ATRNL1: variants seen among roughly 807,000 people sequenced by gnomAD.
The protein encoded by ATRNL1 is attractin like 1, also known as attractin-like protein 1.
In ATRNL1, 95 loss-of-function variants were observed where a neutral mutation model predicts 182.7. The observed-to-expected ratio is 0.52, with a 90% CI of 0.44 to 0.62. The LOEUF is 0.62. Ranked by LOEUF, ATRNL1 falls within the 20% of genes least tolerant of loss-of-function variation. The pLI is 0.00. For synonymous variants in ATRNL1, 576 were observed against 568.3 expected (o/e 1.01, Z -0.19); for missense variants, 1,471 against 1,679.5 (o/e 0.88, Z 2.17).
At chr10:115,259,637 G>A (rs1554908171) in intron 10 of ATRNL1, among the ~76,000 whole-genome samples, 1 of 152,106 alleles carries the variant, frequency 6.6e-6, no homozygotes, top group Non-Finnish European at 1.5e-5. Context: ...TATCCAACTA[G>A]TCCCAATGAG....
chr10:115,324,570 A>G (rs1393941825), intron 18 of ATRNL1, among the ~76,000 whole-genome samples: 1 of 152,212 alleles, frequency 6.6e-6, no homozygotes, highest in Non-Finnish European at 1.5e-5. Context: ...CACCAAATAT[A>G]TGATGTGAAT....
intron 26 of ATRNL1, among the ~76,000 whole-genome samples, chr10:115,671,886 G>A (rs1555041498): frequency 6.6e-6 from 1 of 151,998 alleles, no homozygotes; most frequent in African/African-American, 2.4e-5. Flanking sequence ...TTTTGGATAT[G>A]ATATTATCTT....
intron 26 of ATRNL1, among the ~76,000 whole-genome samples, chr10:115,563,057 GTTGC>G (rs2133843466): frequency 6.6e-6 from 1 of 152,210 alleles, no homozygotes; most frequent in Non-Finnish European, 1.5e-5. Flanking sequence ...GTTCTTTTGT[GTTGC>G]TATGAAAGAA....
At chr10:115,701,146 A>G (rs1397682987) in intron 26 of ATRNL1, among the ~76,000 whole-genome samples, 1 of 152,082 alleles carries the variant, frequency 6.6e-6, no homozygotes, top group African/African-American at 2.4e-5. Flanking sequence ...ATCAATACCA[A>G]TAAGATCTCT....
intron 26 of ATRNL1, among the ~76,000 whole-genome samples, chr10:115,591,475 G>A (rs767526474): frequency 8.5e-5 from 13 of 152,286 alleles, no homozygotes; most frequent in East Asian, 1.9e-4. Flanking sequence ...ACTCTGGAAT[G>A]TAAATAAAAC....
At chr10:115,737,449 A>G (rs1947990769) in intron 27 of ATRNL1, among the ~76,000 whole-genome samples, 1 of 151,792 alleles carries the variant, frequency 6.6e-6, no homozygotes, top group African/African-American at 2.4e-5. Context: ...AAAAAAAAAG[A>G]AAAGTATACT....
At chr10:115,154,156 C>A (rs989355397) in intron 5 of ATRNL1, among the ~76,000 whole-genome samples, 1 of 151,356 alleles carries the variant, frequency 6.6e-6, no homozygotes, top group Non-Finnish European at 1.5e-5. Context: ...GGAATAAGTG[C>A]GATGTGGTGC....
At chr10:115,937,113 T>C (rs1555123039) in intron 28 of ATRNL1, among the ~76,000 whole-genome samples, 28 of 152,190 alleles carry the variant, frequency 1.8e-4, no homozygotes. Context: ...TTCTACCCAA[T>C]GAGAGAACAA....
intron 26 of ATRNL1, among the ~76,000 whole-genome samples, chr10:115,664,360 T>A (rs1340184467): frequency 2.0e-5 from 3 of 152,192 alleles, no homozygotes. Flanking sequence ...TCAAATGTAT[T>A]CTTTCTTGCT....
chr10:115,408,776 T>G (rs563918793), intron 20 of ATRNL1, among the ~76,000 whole-genome samples: 1 of 152,322 alleles, frequency 6.6e-6, no homozygotes, highest in South Asian at 2.1e-4. Flanking sequence ...TCTAGTTTAA[T>G]TCTAATGCAT....
chr10:115,878,702 T>TG (rs1555107791), intron 28 of ATRNL1, among the ~76,000 whole-genome samples: 1 of 152,198 alleles, frequency 6.6e-6, no homozygotes, highest in East Asian at 1.9e-4. Flanking sequence ...GCCTTACAGT[T>TG]TCAAGACTCT....
chr10:115,622,891 C>T (rs530648925), intron 26 of ATRNL1, among the ~76,000 whole-genome samples: 4 of 152,004 alleles, frequency 2.6e-5, no homozygotes, highest in South Asian at 4.2e-4. Context: ...CGCGCCACTC[C>T]ACTCCAGCCT....
chr10:115,154,501 CTTCT>C (rs1319931933), intron 5 of ATRNL1, among the ~76,000 whole-genome samples: 1 of 152,022 alleles, frequency 6.6e-6, no homozygotes, highest in Non-Finnish European at 1.5e-5. Flanking sequence ...AGAAAGGTAG[CTTCT>C]TTGTCTCTTT....
intron 10 of ATRNL1, among the ~76,000 whole-genome samples, chr10:115,264,738 C>A (rs1395464331): frequency 6.6e-6 from 1 of 151,404 alleles, no homozygotes; most frequent in Non-Finnish European, 1.5e-5. Flanking sequence ...AATGTTTTAT[C>A]CTGATGATTA....
chr10:115,335,967 A>C (rs1468816272), intron 19 of ATRNL1, among the ~76,000 whole-genome samples: 1 of 152,194 alleles, frequency 6.6e-6, no homozygotes, highest in Non-Finnish European at 1.5e-5. Flanking sequence ...TGTGTTATGC[A>C]GTGCTCTGAT....
intron 25 of ATRNL1, among the ~76,000 whole-genome samples, chr10:115,540,511 C>T (rs1852291441): frequency 1.3e-5 from 2 of 152,054 alleles, no homozygotes; most frequent in South Asian, 4.1e-4. Flanking sequence ...CCTGTAATCC[C>T]AGCACTTTGG....
chr10:115,651,567 G>A (rs1193442433), intron 26 of ATRNL1, among the ~76,000 whole-genome samples: 1 of 151,980 alleles, frequency 6.6e-6, no homozygotes, highest in Non-Finnish European at 1.5e-5. Context: ...CCTACTTCAT[G>A]TTTGTTTAGC....
At chr10:115,394,341 C>T (rs781931762) in intron 19 of ATRNL1, among the ~76,000 whole-genome samples, 6 of 151,882 alleles carry the variant, frequency 4.0e-5, no homozygotes, top group African/African-American at 7.2e-5. Flanking sequence ...CTGGCACTAA[C>T]GCTTTGAAAC....
chr10:115,877,598 A>G (rs553896039), intron 28 of ATRNL1, among the ~76,000 whole-genome samples: 7 of 152,244 alleles, frequency 4.6e-5, no homozygotes, highest in Non-Finnish European at 8.8e-5. Context: ...TGATGTTTAA[A>G]TATTTCCCTT....
Sources: allele counts gnomAD v4.1 joint callset (sites outside exome capture counted in the v4.1 genomes callset), GRCh38; gene constraint gnomAD v4.1.1; transcripts MANE v1.5; gene names NCBI Gene and HGNC (gene_info 2026-07-23, HGNC 2026-07-21).